The following HDAC9 variants were observed in gnomAD, a reference collection of about 807,000 sequenced individuals.
HDAC9 encodes the protein histone deacetylase 9.
A neutral mutation model predicts 139.4 loss-of-function variants in HDAC9; 41 were observed. The observed-to-expected ratio is 0.29, with a 90% CI of 0.23 to 0.38. The LOEUF (loss-of-function observed/expected upper bound fraction) is 0.38. HDAC9 is among the 10% of genes least tolerant of loss of function. HDAC9 has a pLI of 1.00. For missense variants in HDAC9, 1,147 were observed against 1,297.0 expected, an observed-to-expected ratio of 0.88 and a Z score of 1.78; for synonymous variants, 517 against 476.2, an observed-to-expected ratio of 1.09 and a Z score of -1.12.
intron 1 of HDAC9, among the ~76,000 whole-genome samples, chr7:18,444,867 T>C (rs563589748): frequency 5.3e-5 from 8 of 152,370 alleles, no homozygotes; most frequent in African/African-American, 1.9e-4. Flanking sequence ...TCAAGCTATT[T>C]ATAATCTTTG....
intron 8 of HDAC9, among the ~76,000 whole-genome samples, chr7:18,635,170 G>A (rs1783504757): frequency 6.6e-6 from 1 of 151,694 alleles, no homozygotes; most frequent in Non-Finnish European, 1.5e-5. Context: ...TTGGTTATTG[G>A]TTGTGCCGAT....
At chr7:18,863,037 G>C (rs547961683) in intron 21 of HDAC9, among the ~76,000 whole-genome samples, 1 of 152,158 alleles carries the variant, frequency 6.6e-6, no homozygotes, top group African/African-American at 2.4e-5. Flanking sequence ...TTCTGCTTTT[G>C]TGTCTGGAGA....
intron 2 of HDAC9, among the ~76,000 whole-genome samples, chr7:18,179,298 A>G (rs1211342756): frequency 6.6e-6 from 1 of 152,192 alleles, no homozygotes. Flanking sequence ...GCCATAACCC[A>G]TTAGTTGATT....
intron 8 of HDAC9, among the ~76,000 whole-genome samples, chr7:18,639,331 A>G (rs1784834431): frequency 6.6e-6 from 1 of 152,082 alleles, no homozygotes; most frequent in African/African-American, 2.4e-5. Context: ...ATTCAGGGAA[A>G]GGAGGTTGCT....
At chr7:18,744,032 T>TTTTTTTTTTTTTTG (rs1787709873) in intron 13 of HDAC9, among the ~76,000 whole-genome samples, 1 of 150,368 alleles carries the variant, frequency 6.7e-6, no homozygotes, top group Non-Finnish European at 1.5e-5. Flanking sequence ...TTTTTTTTTT[T>TTTTTTTTTTTTTTG]TGAGATGGAG....
At chr7:18,509,770 C>T (rs1439362441) in intron 2 of HDAC9, among the ~76,000 whole-genome samples, 1 of 151,962 alleles carries the variant, frequency 6.6e-6, no homozygotes, top group Non-Finnish European at 1.5e-5. Flanking sequence ...TCTCCCTTCT[C>T]TCTCGATCCT....
chr7:18,735,810 T>C (rs975833963), intron 13 of HDAC9, among the ~76,000 whole-genome samples: 1 of 152,238 alleles, frequency 6.6e-6, no homozygotes, highest in Non-Finnish European at 1.5e-5. Context: ...ATTGAATCTA[T>C]AAATTACTTT....
At chr7:18,841,229 A>T (rs111538890) in intron 21 of HDAC9, among the ~76,000 whole-genome samples, 1 of 152,098 alleles carries the variant, frequency 6.6e-6, no homozygotes, top group African/African-American at 2.4e-5. Flanking sequence ...TCTATTTAAG[A>T]GATAAAATGG....
intron 1 of HDAC9, among the ~76,000 whole-genome samples, chr7:18,475,191 C>T (rs1380163718): frequency 1.3e-5 from 2 of 152,140 alleles, no homozygotes; most frequent in East Asian, 1.9e-4. Flanking sequence ...GAATCCACTG[C>T]CTTAGTAACA....
intron 15 of HDAC9, among the ~76,000 whole-genome samples, chr7:18,764,879 G>A (rs1217578625): frequency 1.3e-5 from 2 of 150,714 alleles, no homozygotes; most frequent in Non-Finnish European, 3.0e-5. Flanking sequence ...TCAGTATGAT[G>A]AGACCTGTCA....
intron 1 of HDAC9, among the ~76,000 whole-genome samples, chr7:18,444,027 T>C (rs1792054903): frequency 6.6e-6 from 1 of 151,968 alleles, no homozygotes; most frequent in Non-Finnish European, 1.5e-5. Flanking sequence ...AAAAGTTTCA[T>C]GCTGGCCACT....
chr7:18,968,856 G>A (rs1414596060), intron 24 of HDAC9, among the ~76,000 whole-genome samples: 2 of 149,340 alleles, frequency 1.3e-5, no homozygotes, highest in Non-Finnish European at 3.0e-5. Context: ...CTACTCAGGA[G>A]GCTGAGCCAG....
chr7:18,564,343 T>C (rs1412028385), intron 2 of HDAC9, among the ~76,000 whole-genome samples: 1 of 152,216 alleles, frequency 6.6e-6, no homozygotes, highest in Non-Finnish European at 1.5e-5. Flanking sequence ...TATTGATAAA[T>C]AAATGAGAAA....
At chr7:18,178,016 G>T (rs1046853091) in intron 2 of HDAC9, among the ~76,000 whole-genome samples, 1 of 151,774 alleles carries the variant, frequency 6.6e-6, no homozygotes, top group African/African-American at 2.4e-5. Flanking sequence ...TTCACCTCTA[G>T]TGCTATCCAC....
chr7:18,261,069 G>A (rs756549349), intron 2 of HDAC9, among the ~76,000 whole-genome samples: 17 of 152,050 alleles, frequency 1.1e-4, no homozygotes, highest in African/African-American at 3.9e-4. Context: ...CTGGGAGGCC[G>A]AGGCAGGGAG....
intron 1 of HDAC9, among the ~76,000 whole-genome samples, chr7:18,119,688 C>A (rs1784240318): frequency 6.6e-6 from 1 of 152,132 alleles, no homozygotes; most frequent in Admixed American, 6.6e-5. Context: ...TCCCAATATA[C>A]CTGTCATGGT....
At chr7:18,488,935 T>C (rs1796167681) in intron 1 of HDAC9, among the ~76,000 whole-genome samples, 1 of 152,104 alleles carries the variant, frequency 6.6e-6, no homozygotes, top group African/African-American at 2.4e-5. Flanking sequence ...TAAACTGCAC[T>C]TGCTTTCAAT....
In HDAC9 at chr7:18,536,974, G is replaced by A. The variant is rs547316067; in HGVS notation, c.22+40650G>A. Reference sequence around the variant, plus strand: ...GTGTGCTTTCTCCCAGCTTCCCCTGGAAATTAGTTTACTAGAATATCCTTA... The same window carrying A: ...GTGTGCTTTCTCCCAGCTTCCCCTGAAAATTAGTTTACTAGAATATCCTTA... On this transcript the variant is annotated intron_variant, in intron 2 of 25. Coordinates refer to ENST00000686413, the MANE Select transcript of HDAC9 (RefSeq NM_178425.4). Among the ~76,000 whole-genome samples, 5 of 152,258 alleles carry A rather than the reference G, an allele frequency of 3.3e-5. No homozygotes were observed. In the East Asian group the frequency reaches 9.6e-4, roughly 29 times the overall value.
At chr7:18,171,978 T>A (rs1473365001) in intron 2 of HDAC9, among the ~76,000 whole-genome samples, 1 of 152,170 alleles carries the variant, frequency 6.6e-6, no homozygotes, top group Non-Finnish European at 1.5e-5. Flanking sequence ...TAGGGAGGAT[T>A]CCTTGTTTTT....
Sources: allele counts gnomAD v4.1 joint callset (sites outside exome capture counted in the v4.1 genomes callset), GRCh38; gene constraint gnomAD v4.1.1; transcripts MANE v1.5; gene names NCBI Gene and HGNC (gene_info 2026-07-23, HGNC 2026-07-21).